Variants in SCARB2 observed in about 807,000 individuals in gnomAD.
SCARB2 encodes lysosome membrane protein 2.
In SCARB2, 29 loss-of-function variants were observed where a neutral mutation model predicts 58.6. That is an observed-to-expected ratio of 0.49 (90% CI 0.37 to 0.67). The LOEUF is 0.67. Ranked by LOEUF, SCARB2 falls within the 30% of genes least tolerant of loss-of-function variation. The probability of loss-of-function intolerance (pLI) is 0.00; values close to 1 mark genes in which losing one functional copy is unlikely to be tolerated. For synonymous variants in SCARB2, 195 were observed against 210.1 expected, an observed-to-expected ratio of 0.93 and a Z score of 0.62; for missense variants, 488 against 578.5, an observed-to-expected ratio of 0.84 and a Z score of 1.60.
chr4:76,174,041 G>A (rs1732191850), intron 7 of SCARB2, 103 bp downstream of exon 7: 1 of 1,404,006 alleles, frequency 7.1e-7, no homozygotes, highest in Non-Finnish European at 1.0e-6. Context: ...TAGTAGCTGG[G>A]ACTGTAGGTG....
intron 6 of SCARB2, chr4:76,174,722 G>A (rs1266571343): frequency 3.6e-5 from 9 of 246,852 alleles, no homozygotes; most frequent in South Asian, 2.5e-4. Flanking sequence ...AGCGATGGCC[G>A]TGGCCTCGTA....
chr4:76,171,870 G>A (rs1473407422), intron 7 of SCARB2, among the ~76,000 whole-genome samples: 1 of 152,012 alleles, frequency 6.6e-6, no homozygotes, highest in Non-Finnish European at 1.5e-5. Context: ...CCATCTTTAT[G>A]GAAATCAGCT....
intron 6 of SCARB2, chr4:76,174,993 T>G (rs1348151028): frequency 6.5e-6 from 1 of 153,212 alleles, no homozygotes; most frequent in Non-Finnish European, 1.5e-5. Context: ...GCCCTTCCTT[T>G]GAAGGCTGGC....
chr4:76,203,355 T>C (rs1168127472), intron 1 of SCARB2, among the ~76,000 whole-genome samples: 3 of 152,204 alleles, frequency 2.0e-5, no homozygotes, highest in Non-Finnish European at 4.4e-5. Flanking sequence ...CATGAACTCA[T>C]CAGCCTTTAA....
intron 1 of SCARB2, among the ~76,000 whole-genome samples, chr4:76,196,895 A>G (rs903807967): frequency 6.6e-6 from 1 of 152,152 alleles, no homozygotes; most frequent in African/African-American, 2.4e-5. Flanking sequence ...AATACCTCAC[A>G]ATGTGCCTGT....
chr4:76,234,478 C>A (rs868102073), exon 1 of SCARB2: 1 of 152,192 alleles, frequency 6.6e-6, no homozygotes, highest in African/African-American at 2.4e-5. Context: ...GGGACTCTTG[C>A]TAGGCCAGAG....
At chr4:76,220,341 A>G (rs1733286701) in intron 1 of SCARB2, among the ~76,000 whole-genome samples, 1 of 152,240 alleles carries the variant, frequency 6.6e-6, no homozygotes, top group Non-Finnish European at 1.5e-5. Flanking sequence ...AAAGGAAAGA[A>G]ATAGGCTGGG....
intron 1 of SCARB2, among the ~76,000 whole-genome samples, chr4:76,231,564 T>C (rs1186689863): frequency 6.6e-6 from 1 of 152,240 alleles, no homozygotes; most frequent in Non-Finnish European, 1.5e-5. Context: ...AGGACTGAGT[T>C]GTTTGCAAAA....
intron 1 of SCARB2, among the ~76,000 whole-genome samples, chr4:76,199,711 G>C (rs1393817982): frequency 2.0e-5 from 3 of 152,186 alleles, no homozygotes; most frequent in East Asian, 3.9e-4. Flanking sequence ...GTTTCCTCGA[G>C]TGTTACCCGT....
At chr4:76,218,055 A>G (rs553645156), upstream of SCARB2, among the ~76,000 whole-genome samples, 1 of 152,352 alleles carries the variant, frequency 6.6e-6, no homozygotes, top group African/African-American at 2.4e-5. Context: ...AGGCCGGGCC[A>G]GGTGGCTCAT....
intron 7 of SCARB2, 147 bp from the exon 8 acceptor site, chr4:76,170,132 C>A: frequency 1.5e-6 from 1 of 682,476 alleles, no homozygotes; most frequent in Non-Finnish European, 2.6e-6. Flanking sequence ...AAACACCATC[C>A]TTTACCTCCT....
At chr4:76,171,301 T>C (rs1034524925) in intron 7 of SCARB2, among the ~76,000 whole-genome samples, 2 of 152,288 alleles carry the variant, frequency 1.3e-5, no homozygotes, top group Non-Finnish European at 2.9e-5. Context: ...GTGTTTTATA[T>C]ATATTATTTC....
intron 1 of SCARB2, among the ~76,000 whole-genome samples, chr4:76,229,999 A>G (rs954427163): frequency 2.6e-5 from 4 of 152,240 alleles, no homozygotes; most frequent in Non-Finnish European, 5.9e-5. Flanking sequence ...AGAGAGCACC[A>G]GCTACGATAG....
At chr4:76,225,579 A>C (rs1464968918) in intron 1 of SCARB2, among the ~76,000 whole-genome samples, 1 of 152,176 alleles carries the variant, frequency 6.6e-6, no homozygotes, top group Non-Finnish European at 1.5e-5. Context: ...CGATTTTACC[A>C]GGGGTTTTAA....
chr4:76,163,149 C>T, intron 11 of SCARB2, 76 bp downstream of exon 11: 2 of 1,568,906 alleles, frequency 1.3e-6, no homozygotes, highest in Non-Finnish European at 1.8e-6. Context: ...CAGCTGACAG[C>T]CCTTCAGTGA....
chr4:76,229,025 A>AT (rs1219213387), intron 1 of SCARB2, among the ~76,000 whole-genome samples: 1 of 152,036 alleles, frequency 6.6e-6, no homozygotes, highest in Non-Finnish European at 1.5e-5. Flanking sequence ...CGCTTTATTC[A>AT]TTTTTTTAAT....
chr4:76,213,305 A>T, intron 1 of SCARB2, 122 bp downstream of exon 1: 1 of 749,274 alleles, frequency 1.3e-6, no homozygotes, highest in South Asian at 1.5e-5. Flanking sequence ...CAGGGACGCA[A>T]GAAGAGCTCT....
intron 11 of SCARB2, 117 bp from the exon 12 acceptor site, chr4:76,161,868 G>A (rs1326640412): frequency 6.4e-6 from 6 of 938,084 alleles, no homozygotes; most frequent in Non-Finnish European, 1.0e-5. Flanking sequence ...TAGGAAGGTG[G>A]CTCATCTCAC....
At chr4:76,233,618 A>G (rs36031249) in intron 1 of SCARB2, among the ~76,000 whole-genome samples, 19,642 of 151,864 alleles carry the variant, frequency 0.13, 1,576 homozygotes, top group East Asian at 0.34. Flanking sequence ...GTAACTGACA[A>G]GCATATAACA....
Sources: gnomAD v4.1 joint callset for allele counts (sites outside exome capture counted in the v4.1 genomes callset) on GRCh38, gnomAD v4.1.1 for gene constraint, MANE v1.5 for transcripts, NCBI Gene and HGNC (gene_info 2026-07-23, HGNC 2026-07-21) for gene names.